CNTN4: variants seen among roughly 807,000 people sequenced by gnomAD.
CNTN4 encodes the protein contactin 4.
A neutral mutation model predicts 122.5 loss-of-function variants in CNTN4; 77 were observed. The ratio of observed to expected loss-of-function variants is 0.63; its 90% CI spans 0.52 to 0.76. CNTN4 has a LOEUF of 0.76. Among genes scored for constraint, CNTN4 ranks in the 30% least tolerant of loss-of-function variants. The pLI is 0.00. For synonymous variants in CNTN4, 512 were observed against 447.0 expected, an observed-to-expected ratio of 1.15 and a Z score of -1.83; for missense variants, 1,256 against 1,259.1, an observed-to-expected ratio of 1.00 and a Z score of 0.04.
intron 3 of CNTN4, among the ~76,000 whole-genome samples, chr3:2,463,036 C>T (rs1205414677): frequency 6.6e-6 from 1 of 152,116 alleles, no homozygotes; most frequent in Non-Finnish European, 1.5e-5. Flanking sequence ...AGAACCATTT[C>T]CTTAGTCTGT....
chr3:2,361,115 A>G (rs563532971), intron 3 of CNTN4, among the ~76,000 whole-genome samples: 1 of 152,336 alleles, frequency 6.6e-6, no homozygotes, highest in African/African-American at 2.4e-5. Flanking sequence ...TAGACAATAC[A>G]TGATGAGATG....
At chr3:2,263,269 T>G (rs2040912498) in intron 2 of CNTN4, among the ~76,000 whole-genome samples, 1 of 152,120 alleles carries the variant, frequency 6.6e-6, no homozygotes, top group Non-Finnish European at 1.5e-5. Flanking sequence ...ATAAAAAATA[T>G]TATGTTGTCA....
At chr3:2,200,692 A>C (rs1370699662) in intron 2 of CNTN4, among the ~76,000 whole-genome samples, 13 of 152,168 alleles carry the variant, frequency 8.5e-5, no homozygotes, top group Non-Finnish European at 1.6e-4. Flanking sequence ...TGCAGAGACA[A>C]AGTGTTATTG....
intron 4 of CNTN4, among the ~76,000 whole-genome samples, chr3:2,585,389 C>A (rs56011304): frequency 6.6e-6 from 1 of 151,358 alleles, no homozygotes; most frequent in Admixed American, 6.6e-5. Context: ...CACATGCACA[C>A]GTATGTTTAT....
At chr3:2,607,932 A>G (rs76113118) in intron 4 of CNTN4, among the ~76,000 whole-genome samples, 4,347 of 152,254 alleles carry the variant, frequency 0.029, 178 homozygotes, top group African/African-American at 0.099. Flanking sequence ...TACAAGCTGT[A>G]TTTGATCACT....
chr3:2,901,761 C>T (rs1022073330), intron 11 of CNTN4, among the ~76,000 whole-genome samples: 1 of 152,180 alleles, frequency 6.6e-6, no homozygotes, highest in Non-Finnish European at 1.5e-5. Context: ...TCAAATCCAT[C>T]TCTCCAACCA....
chr3:2,529,120 C>T (rs923069218), intron 3 of CNTN4, among the ~76,000 whole-genome samples: 1 of 152,082 alleles, frequency 6.6e-6, no homozygotes, highest in Non-Finnish European at 1.5e-5. Flanking sequence ...CCACTCTTCC[C>T]AGCCTCTAAA....
At chr3:2,678,611 CT>C (rs1472983628) in intron 4 of CNTN4, among the ~76,000 whole-genome samples, 1 of 152,136 alleles carries the variant, frequency 6.6e-6, no homozygotes, top group Non-Finnish European at 1.5e-5. Context: ...TGCAGATTAC[CT>C]TTCTGCTTTA....
At chr3:2,848,294 G>A (rs1186836269) in intron 7 of CNTN4, among the ~76,000 whole-genome samples, 1 of 152,166 alleles carries the variant, frequency 6.6e-6, no homozygotes, top group Non-Finnish European at 1.5e-5. Flanking sequence ...TTCACTTACA[G>A]TGAGGCTGAG....
chr3:2,909,688 T>G (rs2094278311), intron 12 of CNTN4, among the ~76,000 whole-genome samples: 1 of 152,200 alleles, frequency 6.6e-6, no homozygotes, highest in South Asian at 2.1e-4. Context: ...TGATCAGGTT[T>G]AAAAAGCCAT....
chr3:2,845,781 G>C (rs1054244214), intron 7 of CNTN4, among the ~76,000 whole-genome samples: 3 of 152,198 alleles, frequency 2.0e-5, no homozygotes, highest in Non-Finnish European at 4.4e-5. Context: ...GCTGTTTTCA[G>C]AGAACTAAGA....
At chr3:2,366,503 G>A (rs1467816612) in intron 3 of CNTN4, among the ~76,000 whole-genome samples, 4 of 152,004 alleles carry the variant, frequency 2.6e-5, no homozygotes, top group Non-Finnish European at 4.4e-5. Flanking sequence ...CGAGGTGGGC[G>A]GATCATGAGG....
At chr3:2,485,988 C>T (rs567511201) in intron 3 of CNTN4, among the ~76,000 whole-genome samples, 19 of 152,284 alleles carry the variant, frequency 1.2e-4, no homozygotes, top group South Asian at 4.1e-4. Context: ...TTTGTTCTTT[C>T]GCTCTTTGCA....
At chr3:2,994,115 T>C (rs1452029112) in intron 14 of CNTN4, among the ~76,000 whole-genome samples, 1 of 152,170 alleles carries the variant, frequency 6.6e-6, no homozygotes, top group Non-Finnish European at 1.5e-5. Flanking sequence ...CTGGTGTTTT[T>C]TTAAAACACT....
intron 23 of CNTN4, among the ~76,000 whole-genome samples, chr3:3,048,510 CTCTCTCTGTG>C (rs1476245039): frequency 7.6e-6 from 1 of 131,830 alleles, no homozygotes; most frequent in Admixed American, 7.4e-5. Flanking sequence ...CTTTCTCTCT[CTCTCTCTGTG>C]TGTGTGTGTG....
intron 13 of CNTN4, among the ~76,000 whole-genome samples, chr3:2,945,919 G>A (rs535829104): frequency 1.3e-5 from 2 of 152,312 alleles, no homozygotes; most frequent in South Asian, 4.1e-4. Context: ...TTTCAAAAGT[G>A]AGATAGAAGA....
intron 3 of CNTN4, among the ~76,000 whole-genome samples, chr3:2,544,522 G>T (rs766351425): frequency 1.2e-4 from 19 of 152,064 alleles, no homozygotes; most frequent in African/African-American, 2.4e-4. Flanking sequence ...AACAATATGA[G>T]TTTCTGTCCT....
intron 2 of CNTN4, among the ~76,000 whole-genome samples, chr3:2,277,764 G>A (rs527731099): frequency 6.6e-6 from 1 of 152,192 alleles, no homozygotes; most frequent in Admixed American, 6.5e-5. Context: ...CTCCATTGTA[G>A]GTGAGATGCA....
chr3:3,024,394 A>AC (rs1698551922), intron 14 of CNTN4, among the ~76,000 whole-genome samples: 2 of 124,770 alleles, frequency 1.6e-5, no homozygotes, highest in Non-Finnish European at 1.8e-5. Context: ...TAAAAAAAAA[A>AC]AAAAAAAAAA....
Sources: gnomAD v4.1 joint callset for allele counts (sites outside exome capture counted in the v4.1 genomes callset) on GRCh38, gnomAD v4.1.1 for gene constraint, MANE v1.5 for transcripts, NCBI Gene and HGNC (gene_info 2026-07-23, HGNC 2026-07-21) for gene names.